CUX2: variants seen among roughly 807,000 people sequenced by gnomAD.
CUX2 encodes homeobox protein cut-like 2.
Under a neutral mutation model 144.8 loss-of-function variants are expected in CUX2, and 40 were observed. The ratio of observed to expected loss-of-function variants is 0.28; its 90% CI spans 0.21 to 0.36. The LOEUF is 0.36. Among genes scored for constraint, CUX2 ranks in the 10% least tolerant of loss-of-function variants. CUX2 has a pLI of 1.00. For synonymous variants in CUX2, 827 were observed against 875.6 expected (o/e 0.94, Z 0.98); for missense variants, 1,615 against 1,994.0 (o/e 0.81, Z 3.62).
chr12:111,112,738 C>A (rs910985146), intron 1 of CUX2, among the ~76,000 whole-genome samples: 3 of 152,174 alleles, frequency 2.0e-5, no homozygotes, highest in East Asian at 1.9e-4. Flanking sequence ...TTAAAATAAG[C>A]CTTAATAAAG....
chr12:111,153,627 C>A (rs1877197366), intron 1 of CUX2, among the ~76,000 whole-genome samples: 1 of 152,210 alleles, frequency 6.6e-6, no homozygotes, highest in South Asian at 2.1e-4. Context: ...ATCCATCCAT[C>A]ACTGAGCAAA....
At chr12:111,087,415 C>T in intron 1 of CUX2, among the ~76,000 whole-genome samples, 1 of 144,478 alleles carries the variant, frequency 6.9e-6, no homozygotes, top group Admixed American at 6.9e-5. Flanking sequence ...AAAGAAAATG[C>T]TATGAAGAAG....
chr12:111,194,139 T>C (rs755393987), intron 1 of CUX2, among the ~76,000 whole-genome samples: 1 of 152,138 alleles, frequency 6.6e-6, no homozygotes, highest in Non-Finnish European at 1.5e-5. Flanking sequence ...GCCAGACTCT[T>C]TGTCTTGAAT....
chr12:111,323,325 G>GGCCC (rs1887627463), intron 18 of CUX2, among the ~76,000 whole-genome samples: 1 of 152,054 alleles, frequency 6.6e-6, no homozygotes, highest in Non-Finnish European at 1.5e-5. Context: ...CAGGTTCACA[G>GGCCC]AAACGAGCCA....
At chr12:111,042,388 G>A (rs546779224) in intron 1 of CUX2, among the ~76,000 whole-genome samples, 182 of 152,278 alleles carry the variant, frequency 1.2e-3, no homozygotes, top group African/African-American at 4.2e-3. Flanking sequence ...CATCTGCTAC[G>A]AGTGTCTATG....
At position 111,350,250 on chromosome 12, in the gene CUX2, AAACC is replaced by A. The variant is rs937603477; in HGVS notation, c.*1929_*1932del. The A allele has an allele frequency of 6.6e-6, 1 of 152,504 alleles. No individual in the cohort carries two copies. The highest frequency in any genetic ancestry group is 1.5e-5 in the Non-Finnish European group (1 of 68,038). The allele number at this position is 152,504 out of a possible 1,614,324, so 9.4% of individuals were successfully genotyped here. ...GGGAACACACCACTTTTTACTGTTGAAACCAACACAACGTTGAAATCCAGGCTTA... is the reference window on the plus strand; with the variant it reads ...GGGAACACACCACTTTTTACTGTTGAAACACAACGTTGAAATCCAGGCTTA... On this transcript the variant is annotated 3_prime_UTR_variant, in exon 22 of 22. Transcript: ENST00000261726.
chr12:111,237,985 C>T (rs1882843010), intron 3 of CUX2, among the ~76,000 whole-genome samples: 1 of 152,190 alleles, frequency 6.6e-6, no homozygotes, highest in African/African-American at 2.4e-5. Context: ...CCAGGAGCAC[C>T]TTCCTCAGCT....
chr12:111,095,422 G>T (rs530437070), intron 1 of CUX2, among the ~76,000 whole-genome samples: 2 of 152,068 alleles, frequency 1.3e-5, no homozygotes, highest in African/African-American at 2.4e-5. Flanking sequence ...TTGTACCACT[G>T]CACTCCAGTG....
Position 111,347,485 on chromosome 12 carries a change from C to T in CUX2, c.3660-39C>T, listed in dbSNP as rs1888854660. 2.0e-6 allele frequency: 3 copies of T among 1,535,818 alleles called. No homozygotes were observed. In the African/African-American group the frequency reaches 4.1e-5, roughly 21 times the overall value. ...AGATGGAGTCCAGGGTTTGGGAGTC[C>T]CCTGTCCAGCCCCAGGCTCACCGCC... On this transcript the variant is annotated intron_variant, in intron 21 of 21. Transcript: ENST00000261726.
At chr12:111,199,901 T>C (rs1394049670) in intron 1 of CUX2, among the ~76,000 whole-genome samples, 1 of 152,074 alleles carries the variant, frequency 6.6e-6, no homozygotes, top group Non-Finnish European at 1.5e-5. Context: ...TGTGTCCATC[T>C]ACAGTCACAG....
At chr12:111,159,768 T>TAATCA (rs1411088032) in intron 1 of CUX2, among the ~76,000 whole-genome samples, 1 of 152,160 alleles carries the variant, frequency 6.6e-6, no homozygotes, top group Non-Finnish European at 1.5e-5. Context: ...GTCACGCCTG[T>TAATCA]AATCCCAGCA....
chr12:111,246,756 T>C lies in CUX2; in HGVS notation c.223-17005T>C, dbSNP rs1386275576. 6.6e-6 allele frequency among the ~76,000 whole-genome samples: 1 copy of C among 152,168 alleles called. No individual in the cohort carries two copies. The highest frequency in any genetic ancestry group is 1.5e-5 in the Non-Finnish European group (1 of 68,030). ...CTCTCACCTTTGTATGCAACTGCTCTCCCTCCTGTTGAATCAACGGCCTGC... is the reference window on the plus strand; with the variant it reads ...CTCTCACCTTTGTATGCAACTGCTCCCCCTCCTGTTGAATCAACGGCCTGC... On this transcript the variant is annotated intron_variant, in intron 3 of 21. Coordinates refer to ENST00000261726, the MANE Select transcript of CUX2 (RefSeq NM_015267.4). This position sits in a 1 kb window ranked among gnomAD's most constrained non-coding sequence, Gnocchi z 4.0.
In CUX2 at chr12:111,039,674, G is replaced by GTTCC. The variant is rs1221253995; in HGVS notation, c.63+5434_63+5435insTTCC. On this transcript the variant is annotated intron_variant, in intron 1 of 21. Transcript: ENST00000261726. This position sits in a 1 kb window ranked among gnomAD's most constrained non-coding sequence, Gnocchi z 4.2. ...TGATTCCCAAGTAGTTGGAACTATA[G>GTTCC]GCGCATGCCACCACGCCTGGCTAAT... 6.6e-5 allele frequency among the ~76,000 whole-genome samples: 10 copies of GTTCC among 152,174 alleles called. No individual in the cohort carries two copies. The highest frequency in any genetic ancestry group is 2.2e-4 in the African/African-American group (9 of 41,432).
At chr12:111,064,888 C>CAT (rs769185496) in intron 1 of CUX2, among the ~76,000 whole-genome samples, 5 of 152,214 alleles carry the variant, frequency 3.3e-5, no homozygotes, top group Non-Finnish European at 5.9e-5. Context: ...CAATGCCCGG[C>CAT]ATACAGTACT....
intron 8 of CUX2, 87 bp downstream of exon 8, chr12:111,296,626 T>G: frequency 8.0e-7 from 1 of 1,247,330 alleles, no homozygotes; most frequent in Admixed American, 2.0e-5. Context: ...ACTTGCCTCC[T>G]CCCTCTGACC....
chr12:111,119,914 C>T (rs12302387), intron 1 of CUX2, among the ~76,000 whole-genome samples: 4,198 of 152,124 alleles, frequency 0.028, 188 homozygotes, highest in African/African-American at 0.095. Flanking sequence ...AAAAATTAGC[C>T]AGGCATGGTG....
chr12:111,057,722 G>A lies in CUX2; in HGVS notation c.63+23482G>A, dbSNP rs1049201334. Among the ~76,000 whole-genome samples the A allele has an allele frequency of 2.0e-5, 3 of 152,150 alleles. No individual in the cohort carries two copies. Among genetic ancestry groups the A allele is most frequent in the African/African-American group, 7.2e-5 (3 of 41,416 alleles). ...CTACCGTACTTTTCTTCAAATAAAAGCAGCTAATTAACATTATTCTTTAAT... is the reference window on the plus strand; with the variant it reads ...CTACCGTACTTTTCTTCAAATAAAAACAGCTAATTAACATTATTCTTTAAT... On this transcript the variant is annotated intron_variant, in intron 1 of 21. Coordinates refer to ENST00000261726, the MANE Select transcript of CUX2 (RefSeq NM_015267.4). The surrounding 1 kb of genome is among the most constrained non-coding windows in gnomAD (Gnocchi z 5.1).
intron 16 of CUX2, among the ~76,000 whole-genome samples, chr12:111,318,613 G>A (rs1316978411): frequency 6.7e-6 from 1 of 149,252 alleles, no homozygotes; most frequent in African/African-American, 2.5e-5. Flanking sequence ...AAAAAAAAAA[G>A]ATTCATATCT....
At chr12:111,345,465 C>T (rs558942526) in intron 21 of CUX2, among the ~76,000 whole-genome samples, 2,151 of 146,266 alleles carry the variant, frequency 0.015, 73 homozygotes, top group African/African-American at 0.051. Flanking sequence ...AAAAAAAGGC[C>T]GGGCACAGTG....
Sources: gnomAD v4.1 joint callset for allele counts (sites outside exome capture counted in the v4.1 genomes callset) on GRCh38, gnomAD v4.1.1 for gene constraint, Gnocchi (gnomAD v3.1) non-coding constraint, MANE v1.5 for transcripts, NCBI Gene and HGNC (gene_info 2026-07-23, HGNC 2026-07-21) for gene names.